The following CNTNAP2 variants were observed in gnomAD, a reference collection of about 807,000 sequenced individuals.
The protein encoded by CNTNAP2 is contactin associated protein 2.
A neutral mutation model predicts 155.2 loss-of-function variants in CNTNAP2; 98 were observed. That is an observed-to-expected ratio of 0.63 (90% CI 0.54 to 0.75). The LOEUF (loss-of-function observed/expected upper bound fraction) is 0.75, where lower values mean the gene tolerates loss of function less well. CNTNAP2 is among the 30% of genes least tolerant of loss of function. The pLI is 0.00. For missense variants in CNTNAP2, 1,727 were observed against 1,688.1 expected (o/e 1.02, Z -0.40); for synonymous variants, 651 against 631.2 (o/e 1.03, Z -0.47).
chr7:148,395,219 T>C (rs2116688593), intron 22 of CNTNAP2, among the ~76,000 whole-genome samples: 1 of 150,574 alleles, frequency 6.6e-6, no homozygotes, highest in Middle Eastern at 3.4e-3. Context: ...TTCTTTCTAC[T>C]GTCGTGTCTT....
intron 11 of CNTNAP2, among the ~76,000 whole-genome samples, chr7:147,549,717 G>T (rs1190016162): frequency 6.6e-6 from 1 of 152,122 alleles, no homozygotes; most frequent in Non-Finnish European, 1.5e-5. Flanking sequence ...CTGGTATAAG[G>T]GATGAGTCAA....
intron 1 of CNTNAP2, among the ~76,000 whole-genome samples, chr7:146,366,823 G>C (rs1795162370): frequency 6.6e-6 from 1 of 152,098 alleles, no homozygotes; most frequent in African/African-American, 2.4e-5. Context: ...TACTTCACAG[G>C]CATTTTGGAG....
chr7:148,332,468 T>C (rs775746688), intron 21 of CNTNAP2, among the ~76,000 whole-genome samples: 3 of 152,150 alleles, frequency 2.0e-5, no homozygotes, highest in Non-Finnish European at 4.4e-5. Flanking sequence ...CTCCAGCGTT[T>C]TGAGAAAAAT....
intron 15 of CNTNAP2, among the ~76,000 whole-genome samples, chr7:148,068,427 T>A (rs1480696453): frequency 6.6e-6 from 1 of 152,232 alleles, no homozygotes; most frequent in African/African-American, 2.4e-5. Context: ...GGTTAAATTC[T>A]TCTCCTGTGA....
chr7:148,098,528 A>G (rs1804021758), intron 15 of CNTNAP2, among the ~76,000 whole-genome samples: 1 of 149,784 alleles, frequency 6.7e-6, no homozygotes, highest in South Asian at 2.1e-4. Flanking sequence ...GGATGATTTC[A>G]GAGGCAGAGA....
At chr7:146,619,688 T>C (rs55894155) in intron 1 of CNTNAP2, among the ~76,000 whole-genome samples, 5,145 of 152,224 alleles carry the variant, frequency 0.034, 291 homozygotes, top group African/African-American at 0.12. Flanking sequence ...AACAAGTGGG[T>C]ATGTAAGGAG....
intron 18 of CNTNAP2, among the ~76,000 whole-genome samples, chr7:148,188,454 C>T (rs924197344): frequency 1.3e-5 from 2 of 152,122 alleles, no homozygotes; most frequent in Admixed American, 1.3e-4. Flanking sequence ...AAGATGACTT[C>T]CATGAAAACA....
intron 1 of CNTNAP2, among the ~76,000 whole-genome samples, chr7:146,406,975 C>T (rs1266412762): frequency 6.6e-6 from 1 of 152,170 alleles, no homozygotes; most frequent in African/African-American, 2.4e-5. Flanking sequence ...TTTCATAGAT[C>T]ACTTTCTAAG....
At chr7:147,293,497 C>T (rs6977005) in intron 8 of CNTNAP2, among the ~76,000 whole-genome samples, 8,975 of 152,154 alleles carry the variant, frequency 0.059, 359 homozygotes, top group African/African-American at 0.12. Flanking sequence ...AGTAACACAT[C>T]ATAGAACCCT....
intron 1 of CNTNAP2, among the ~76,000 whole-genome samples, chr7:146,539,705 TC>T (rs1797922495): frequency 6.6e-6 from 1 of 152,072 alleles, no homozygotes; most frequent in Non-Finnish European, 1.5e-5. Flanking sequence ...TCTCTCCAAC[TC>T]CTGGTTTAAA....
intron 12 of CNTNAP2, among the ~76,000 whole-genome samples, chr7:147,617,569 GT>G (rs1364262022): frequency 6.6e-6 from 1 of 152,068 alleles, no homozygotes; most frequent in African/African-American, 2.4e-5. Flanking sequence ...CCCAAAATGA[GT>G]GCCGTGCTGT....
intron 3 of CNTNAP2, among the ~76,000 whole-genome samples, chr7:146,891,644 A>C (rs1795779634): frequency 6.6e-6 from 1 of 152,212 alleles, no homozygotes; most frequent in Admixed American, 6.5e-5. Flanking sequence ...TTTTTACAAT[A>C]ATATGACATT....
intron 9 of CNTNAP2, among the ~76,000 whole-genome samples, chr7:147,357,567 G>C (rs1796085099): frequency 6.6e-6 from 1 of 151,984 alleles, no homozygotes; most frequent in South Asian, 2.1e-4. Flanking sequence ...TGCTATTCAA[G>C]GTGATGTTTC....
intron 3 of CNTNAP2, among the ~76,000 whole-genome samples, chr7:146,886,409 G>A (rs934452264): frequency 1.3e-5 from 2 of 151,818 alleles, no homozygotes; most frequent in African/African-American, 4.8e-5. Flanking sequence ...GAAAAAAATT[G>A]CAGCACTATA....
intron 1 of CNTNAP2, among the ~76,000 whole-genome samples, chr7:146,502,241 A>ATATATATGAATATATATGTG (rs1238579077): frequency 6.7e-5 from 9 of 134,320 alleles, no homozygotes; most frequent in African/African-American, 2.8e-4. Context: ...ATATATATAT[A>ATATATATGAATATATATGTG]TATATATATA....
intron 1 of CNTNAP2, among the ~76,000 whole-genome samples, chr7:146,497,917 A>G: frequency 1.9e-5 from 1 of 52,036 alleles, no homozygotes; most frequent in Non-Finnish European, 3.4e-5. Flanking sequence ...ATATATAAAC[A>G]TATATTCTAA....
chr7:148,155,683 A>T (rs375711009), intron 17 of CNTNAP2, among the ~76,000 whole-genome samples: 32 of 152,354 alleles, frequency 2.1e-4, no homozygotes, highest in Middle Eastern at 6.8e-3. Context: ...TAAAAAATTT[A>T]TATCTCAAAA....
intron 1 of CNTNAP2, chr7:146,208,616 A>G (rs1584803013): frequency 6.6e-6 from 1 of 152,202 alleles, no homozygotes; most frequent in South Asian, 2.1e-4. Context: ...AAAAAAAAAA[A>G]GTCCACATCA....
At chr7:148,115,992 A>T (rs1804461180) in intron 15 of CNTNAP2, among the ~76,000 whole-genome samples, 3 of 152,010 alleles carry the variant, frequency 2.0e-5, no homozygotes, top group Admixed American at 1.3e-4. Flanking sequence ...TACAAAAATT[A>T]GCCTGGCATG....
Sources: allele counts gnomAD v4.1 joint callset (sites outside exome capture counted in the v4.1 genomes callset), GRCh38; gene constraint gnomAD v4.1.1; transcripts MANE v1.5; gene names NCBI Gene and HGNC (gene_info 2026-07-23, HGNC 2026-07-21).